Variants in SPTA1 observed in about 807,000 individuals in gnomAD.
The protein encoded by SPTA1 is spectrin alpha, erythrocytic 1.
Under a neutral mutation model 324.7 loss-of-function variants are expected in SPTA1, and 177 were observed. That is an observed-to-expected ratio of 0.55 (90% CI 0.48 to 0.62). The LOEUF is 0.62. Ranked by LOEUF, SPTA1 falls within the 20% of genes least tolerant of loss-of-function variation. The probability of loss-of-function intolerance (pLI) is 0.00; values close to 1 mark genes in which losing one functional copy is unlikely to be tolerated. For missense variants in SPTA1, 3,162 were observed against 2,883.6 expected (o/e 1.10, Z -2.21); for synonymous variants, 1,195 against 1,041.3 (o/e 1.15, Z -2.84).
intron 35 of SPTA1, among the ~76,000 whole-genome samples, chr1:158,638,805 A>T (rs924495925): frequency 6.6e-6 from 1 of 151,776 alleles, no homozygotes; most frequent in African/African-American, 2.4e-5. Flanking sequence ...CCCATACAAG[A>T]CTGTCTTATA....
chr1:158,686,450 ATAATAT>A lies in SPTA1; in HGVS notation c.24+38_24+43del, dbSNP rs769170468. 64 of 1,312,840 alleles carry A rather than the reference ATAATAT, an allele frequency of 4.9e-5. 1 individual carries two copies. In the South Asian group the frequency reaches 7.3e-4, roughly 15 times the overall value. The allele number at this position is 1,312,840 out of a possible 1,614,324, so 81.3% of individuals were successfully genotyped here. A position where few individuals can be genotyped will look rare whatever the true frequency, so the allele number is the denominator to read the frequency against. The stretch of plus-strand genomic sequence containing the variant: ...AAGTTTAAAGGAAACATCTTTCCTA[ATAATAT>A]TAATGACAAATTGCATGGAAGAGAA... On this transcript the variant is annotated intron_variant, in intron 1 of 51. Coordinates refer to ENST00000643759, the MANE Select transcript of SPTA1 (RefSeq NM_003126.4).
At chr1:158,683,973 G>A (rs896830322) in intron 2 of SPTA1, among the ~76,000 whole-genome samples, 3 of 151,562 alleles carry the variant, frequency 2.0e-5, no homozygotes, top group African/African-American at 7.3e-5. Context: ...AATTGCTTCT[G>A]ATTATGACAA....
At chr1:158,631,563 T>A (rs182201777) in intron 39 of SPTA1, among the ~76,000 whole-genome samples, 1 of 152,044 alleles carries the variant, frequency 6.6e-6, no homozygotes, top group Admixed American at 6.6e-5. Context: ...AAAGAACTTA[T>A]CCATATAACC....
intron 47 of SPTA1, among the ~76,000 whole-genome samples, chr1:158,616,721 T>C (rs1003205936): frequency 6.6e-6 from 1 of 152,230 alleles, no homozygotes; most frequent in South Asian, 2.1e-4. Flanking sequence ...GTCATAAACA[T>C]GGGAGGGCAG....
chr1:158,680,715 T>C lies in SPTA1; in HGVS notation c.546A>G (p.Thr182=), dbSNP rs773473204. ...CCCAGTCTTCACCTAGCTCCACTGA[T>C]GTCGCTATAGCCTCCTGTAGACACA... ...EWIGDKEAIA[T]SVELGEDWER... Residue 182 remains threonine, a synonymous_variant, in exon 5 of 52, where the codon ACA becomes ACG. Coordinates refer to ENST00000643759, the MANE Select transcript of SPTA1 (RefSeq NM_003126.4). 6.2e-6 allele frequency: 10 copies of C among 1,613,680 alleles called. No individual in the cohort carries two copies. The highest frequency in any genetic ancestry group is 1.7e-5 in the Admixed American group (1 of 59,936).
rs11265038 is a variant in SPTA1 at position 158,626,052 on chromosome 1, C to A, written c.5910+94G>T. 314,282 of 1,135,668 alleles carry A rather than the reference C, an allele frequency of 0.28. 44,848 individuals are homozygous for A. Among genetic ancestry groups the A allele is most frequent in the Non-Finnish European group, 0.29 (219,090 of 757,598 alleles). 70.3% of individuals were successfully genotyped at this position (1,135,668 alleles called of 1,614,324 possible). On this transcript the variant is annotated intron_variant, in intron 42 of 51. Coordinates refer to ENST00000643759, the MANE Select transcript of SPTA1 (RefSeq NM_003126.4). ...GGGAAAATCTTACAGAGGCTACAGACAATAAAATCCCAAAATTCAGAAATA... is the reference window on the plus strand; with the variant it reads ...GGGAAAATCTTACAGAGGCTACAGAAAATAAAATCCCAAAATTCAGAAATA...
rs202038254 is a variant in SPTA1 at position 158,661,281 on chromosome 1, A to G, written c.2587+6T>C. On this transcript the variant is annotated splice_donor_region_variant and intron_variant, in intron 18 of 51. Coordinates refer to ENST00000643759, the MANE Select transcript of SPTA1 (RefSeq NM_003126.4). ...TTTTGTCCAACTGAATCTCAATCAT[A>G]CATACCTTCCTCTACCATTTTGTTT... is the stretch of plus-strand genomic sequence containing the variant. 2.1e-4 allele frequency: 331 copies of G among 1,613,870 alleles called. No individual in the cohort carries two copies. Among genetic ancestry groups the G allele is most frequent in the Non-Finnish European group, 2.7e-4 (324 of 1,179,824 alleles).
chr1:158,652,762 A>C, intron 22 of SPTA1, 109 bp from the exon 23 acceptor site: 1 of 1,271,148 alleles, frequency 7.9e-7, no homozygotes, highest in Non-Finnish European at 1.1e-6. Flanking sequence ...AGGGAAAACA[A>C]ATCAAAAGCA....
At chr1:158,654,474 C>T (rs2101868484) in intron 21 of SPTA1, 137 bp downstream of exon 21, 1 of 1,219,518 alleles carries the variant, frequency 8.2e-7, no homozygotes, top group Non-Finnish European at 1.1e-6. Context: ...AAAATACTAC[C>T]TAATCAGTTA....
intron 47 of SPTA1, among the ~76,000 whole-genome samples, chr1:158,615,824 A>T (rs1318973390): frequency 6.6e-6 from 1 of 152,176 alleles, no homozygotes; most frequent in Non-Finnish European, 1.5e-5. Flanking sequence ...ACTGGGACTT[A>T]TCTGCAACAC....
Position 158,647,559 on chromosome 1 carries a change from G to T in SPTA1, c.3876C>A (p.Tyr1292Ter). 1 of 1,613,490 alleles carries T rather than the reference G, an allele frequency of 6.2e-7. No individual in the cohort carries two copies. Among genetic ancestry groups the T allele is most frequent in the Admixed American group, 1.7e-5 (1 of 60,008 alleles). The change falls in exon 27 of 52, where the codon TAC (tyrosine) becomes TAA (stop). Residue 1292 changes from tyrosine (Y) to a stop codon, truncating the protein, a stop_gained. Transcript: ENST00000643759. LOFTEE classifies it high-confidence loss of function. ...KESLNEAQKFYLFLSKARDLQ... is the reference protein window; with the variant it reads ...KESLNEAQKF ...TCTACCTGGCCTTGCTGAGGAACAG[G>T]TAGAATTTCTGGGCCTCATTTAGGC...
chr1:158,646,526 A>G (rs188298898), intron 27 of SPTA1, among the ~76,000 whole-genome samples: 2 of 152,318 alleles, frequency 1.3e-5, no homozygotes, highest in African/African-American at 4.8e-5. Flanking sequence ...ATAGGCACTA[A>G]TAGCAATTAA....
chr1:158,647,693 G>T lies in SPTA1; in HGVS notation c.3742C>A (p.Arg1248=). The T allele has an allele frequency of 6.2e-7, 1 of 1,613,794 alleles. No homozygotes were observed. The highest frequency in any genetic ancestry group is 8.5e-7 in the Non-Finnish European group (1 of 1,179,894). The change falls in exon 27 of 52, where the codon CGG becomes AGG. Residue 1248 remains arginine (R), a synonymous_variant. Transcript: ENST00000643759. ...GCATCTGGATGGGACTCACTGAGCC[G>T]CTCTGCTGTCTCCCCCAGTATGGTC... ...KVTILGETAE[R]LSESHPDATE...
chr1:158,646,936 G>A (rs889499457), intron 27 of SPTA1, among the ~76,000 whole-genome samples: 1 of 152,122 alleles, frequency 6.6e-6, no homozygotes, highest in Non-Finnish European at 1.5e-5. Flanking sequence ...CTAGACTTTA[G>A]TAAGATATTC....
rs1016667533 is a variant in SPTA1, at chr1:158,671,936, C to G, written c.1488+123G>C. The G allele has an allele frequency of 6.3e-6, 8 of 1,275,888 alleles. No individual in the cohort carries two copies. In the African/African-American group the frequency reaches 1.2e-4, roughly 19 times the overall value. The allele number at this position is 1,275,888 out of a possible 1,614,324, so 79.0% of individuals were successfully genotyped here. On this transcript the variant is annotated intron_variant, in intron 11 of 51. Coordinates refer to ENST00000643759, the MANE Select transcript of SPTA1 (RefSeq NM_003126.4). ...TCTTTTCTTTTTCTTGTGGATCACC[C>G]TTTAGTTCCCAAGACAAGCTCTGAC...
chr1:158,666,208 TTAC>T, intron 16 of SPTA1, 105 bp downstream of exon 16: 1 of 1,108,288 alleles, frequency 9.0e-7, no homozygotes, highest in Non-Finnish European at 1.3e-6. Flanking sequence ...TTGCTTATTA[TTAC>T]TTATTAAGTA....
chr1:158,683,282 C>A lies in SPTA1; in HGVS notation c.390+89G>T, dbSNP rs543768974. The A allele has an allele frequency of 1.2e-3, 1,821 of 1,582,888 alleles. 3 individuals are homozygous for A. Among genetic ancestry groups the A allele is most frequent in the Non-Finnish European group, 1.4e-3 (1,622 of 1,156,726 alleles). On this transcript the variant is annotated intron_variant, in intron 3 of 51. Transcript: ENST00000643759. ...GGCAGGAGTCCTGGGTATAAGCCAG[C>A]CACTCAAGGTTTATATCTCATATAA...
intron 38 of SPTA1, among the ~76,000 whole-genome samples, chr1:158,635,082 C>A (rs1215436840): frequency 6.6e-6 from 1 of 152,066 alleles, no homozygotes; most frequent in East Asian, 1.9e-4. Flanking sequence ...TTTAGCCCCC[C>A]CCAGGAAAAA....
At chr1:158,624,504 A>C (rs1650139597) in intron 42 of SPTA1, among the ~76,000 whole-genome samples, 1 of 152,180 alleles carries the variant, frequency 6.6e-6, no homozygotes, top group Non-Finnish European at 1.5e-5. Context: ...GACTTGTATG[A>C]GGCCTGTAGC....
Sources: gnomAD v4.1 joint callset for allele counts (sites outside exome capture counted in the v4.1 genomes callset) on GRCh38, gnomAD v4.1.1 for gene constraint, MANE v1.5 for transcripts, NCBI Gene and HGNC (gene_info 2026-07-23, HGNC 2026-07-21) for gene names.